TMEM167B: variants seen among roughly 807,000 people sequenced by gnomAD.
TMEM167B encodes the protein protein kish-B.
Under a neutral mutation model 9.4 loss-of-function variants are expected in TMEM167B, and 2 were observed. The observed-to-expected ratio is 0.21, with a 90% CI of 0.09 to 0.67. The LOEUF is 0.67. Ranked by LOEUF, TMEM167B falls within the 30% of genes least tolerant of loss-of-function variation. The pLI, the probability that TMEM167B is intolerant of heterozygous loss-of-function variation, is 0.82. For synonymous variants in TMEM167B, 28 were observed against 32.0 expected (o/e 0.87, Z 0.42); for missense variants, 68 against 87.6 (o/e 0.78, Z 0.89).
rs893250833 is a variant in TMEM167B at position 109,094,859 on chromosome 1, A to T, written c.*360A>T. On this transcript the variant is annotated 3_prime_UTR_variant, in exon 3 of 3. Coordinates refer to ENST00000338272, the MANE Select transcript of TMEM167B (RefSeq NM_020141.4). Reference sequence around the variant, plus strand: ...TCAGGATCTTTTCAAACTGAGGCTCATTAGGGAAGGAACTAGGCTGTGTTC... The same window carrying T: ...TCAGGATCTTTTCAAACTGAGGCTCTTTAGGGAAGGAACTAGGCTGTGTTC... 5.2e-5 allele frequency: 10 copies of T among 192,652 alleles called. No homozygotes were observed. Among genetic ancestry groups the T allele is most frequent in the African/African-American group, 2.4e-4 (10 of 42,472 alleles). 11.9% of individuals were successfully genotyped at this position (192,652 alleles called of 1,614,324 possible). A position where few individuals can be genotyped will look rare whatever the true frequency, so the allele number is the denominator to read the frequency against.
At chr1:109,093,521 A>G (rs1208218528) in intron 2 of TMEM167B, 1 of 152,856 alleles carries the variant, frequency 6.5e-6, no homozygotes, top group Non-Finnish European at 1.5e-5. Context: ...TAAAAACATA[A>G]TTGTCTATTT....
rs1664545374 is a variant in TMEM167B, at chr1:109,095,459, T to C, written c.*960T>C. ...TGATTCATATACTAGTAAATTCATC[T>C]AGTATAAGAACTTGTGATGTTAGAT... is the stretch of plus-strand genomic sequence containing the variant. On this transcript the variant is annotated 3_prime_UTR_variant, in exon 3 of 3. Coordinates refer to ENST00000338272, the MANE Select transcript of TMEM167B (RefSeq NM_020141.4). The C allele has an allele frequency of 6.6e-6, 1 of 152,232 alleles. No homozygotes were observed. Among genetic ancestry groups the C allele is most frequent in the Non-Finnish European group, 1.5e-5 (1 of 68,038 alleles). The allele number at this position is 152,232 out of a possible 1,614,324, so 9.4% of individuals were successfully genotyped here.
In TMEM167B at chr1:109,095,938, T is replaced by C. The variant is rs1664559980; in HGVS notation, c.*1439T>C. 1 of 152,212 alleles carries C rather than the reference T, an allele frequency of 6.6e-6. No homozygotes were observed. The highest frequency in any genetic ancestry group is 1.5e-5 in the Non-Finnish European group (1 of 68,036). The allele number at this position is 152,212 out of a possible 1,614,324, so 9.4% of individuals were successfully genotyped here. A position where few individuals can be genotyped will look rare whatever the true frequency, so the allele number is the denominator to read the frequency against. ...AAAAAGAGTAGGTCTAAAATTAAAT[T>C]ATTATAAGCAAGCATAGACATGGGT... On this transcript the variant is annotated 3_prime_UTR_variant, in exon 3 of 3. Coordinates refer to ENST00000338272, the MANE Select transcript of TMEM167B (RefSeq NM_020141.4).
intron 2 of TMEM167B, 74 bp downstream of exon 2, chr1:109,093,095 G>C: frequency 6.4e-7 from 1 of 1,570,086 alleles, no homozygotes; most frequent in Admixed American, 1.9e-5. Flanking sequence ...AGGGAGTACA[G>C]TGAGCTGGGA....
At chr1:109,093,251 G>T (rs774919726) in intron 2 of TMEM167B, 21 of 503,250 alleles carry the variant, frequency 4.2e-5, no homozygotes, top group Admixed American at 7.3e-5. Flanking sequence ...CAGCACTTTG[G>T]GGGGCCAAGG....
rs914545346 is a variant in TMEM167B at position 109,095,379 on chromosome 1, G to T, written c.*880G>T. 2.6e-5 allele frequency: 4 copies of T among 152,062 alleles called. No individual in the cohort carries two copies. Among genetic ancestry groups the T allele is most frequent in the African/African-American group, 9.7e-5 (4 of 41,414 alleles). 9.4% of individuals were successfully genotyped at this position (152,062 alleles called of 1,614,324 possible). A position where few individuals can be genotyped will look rare whatever the true frequency, so the allele number is the denominator to read the frequency against. On this transcript the variant is annotated 3_prime_UTR_variant, in exon 3 of 3. Transcript: ENST00000338272. Reference sequence around the variant, plus strand: ...ACTAGGGGAAAAAGAAACTATTGAAGAAATAATTGTTTAGTATATTTGCAG... The same window carrying T: ...ACTAGGGGAAAAAGAAACTATTGAATAAATAATTGTTTAGTATATTTGCAG...
intron 2 of TMEM167B, chr1:109,093,756 A>G (rs1169264173): frequency 6.6e-6 from 1 of 152,254 alleles, no homozygotes; most frequent in East Asian, 1.9e-4. Context: ...TTGGAATCCT[A>G]TCTACCTAAA....
In TMEM167B at chr1:109,090,857, T is replaced by C; in HGVS notation, c.-16T>C. 6.3e-7 allele frequency: 1 copy of C among 1,588,106 alleles called. No homozygotes were observed. Among genetic ancestry groups the C allele is most frequent in the South Asian group, 1.1e-5 (1 of 87,166 alleles). ...ACTGAACCCGGACCCCCTACCCAGGTCCAGGGCCAGCCGCCATGACGAACG... is the reference window on the plus strand; with the variant it reads ...ACTGAACCCGGACCCCCTACCCAGGCCCAGGGCCAGCCGCCATGACGAACG... On this transcript the variant is annotated 5_prime_UTR_variant, in exon 1 of 3. Transcript: ENST00000338272.
At position 109,095,286 on chromosome 1, in the gene TMEM167B, G is replaced by C. The variant is rs1014700369; in HGVS notation, c.*787G>C. On this transcript the variant is annotated 3_prime_UTR_variant, in exon 3 of 3. Transcript: ENST00000338272. Reference sequence around the variant, plus strand: ...AAAATGAATCAACTATTGCTATTTCGTAAAACCTTTTTATATTTTCTAAAT... The same window carrying C: ...AAAATGAATCAACTATTGCTATTTCCTAAAACCTTTTTATATTTTCTAAAT... 6.6e-6 allele frequency: 1 copy of C among 152,104 alleles called. No individual in the cohort carries two copies. Among genetic ancestry groups the C allele is most frequent in the Admixed American group, 6.6e-5 (1 of 15,260 alleles). The allele number at this position is 152,104 out of a possible 1,614,324, so 9.4% of individuals were successfully genotyped here. A position where few individuals can be genotyped will look rare whatever the true frequency, so the allele number is the denominator to read the frequency against.
Position 109,096,606 on chromosome 1 carries a change from A to G in TMEM167B, c.*2107A>G, listed in dbSNP as rs1040107977. On this transcript the variant is annotated 3_prime_UTR_variant, in exon 3 of 3. Transcript: ENST00000338272. ...GAATGTACCAAAAAGTGCACAAGGT[A>G]AAGGTAATTTACAGCCAGAAACAAA... is the stretch of plus-strand genomic sequence containing the variant. 1 of 152,246 alleles carries G rather than the reference A, an allele frequency of 6.6e-6. No homozygotes were observed. Among genetic ancestry groups the G allele is most frequent in the Non-Finnish European group, 1.5e-5 (1 of 68,046 alleles). 9.4% of individuals were successfully genotyped at this position (152,246 alleles called of 1,614,324 possible). A position where few individuals can be genotyped will look rare whatever the true frequency, so the allele number is the denominator to read the frequency against.
intron 2 of TMEM167B, 157 bp downstream of exon 2, chr1:109,093,178 C>T (rs1279719064): frequency 9.1e-7 from 1 of 1,102,022 alleles, no homozygotes; most frequent in South Asian, 1.6e-5. Flanking sequence ...AATCATTCTC[C>T]AAAGTTGAGG....
rs770301238 is a variant in TMEM167B at position 109,094,484 on chromosome 1, C to T, written c.210C>T (p.Val70=). 7.4e-6 allele frequency: 12 copies of T among 1,613,774 alleles called. No individual in the cohort carries two copies. Among genetic ancestry groups the T allele is most frequent in the Non-Finnish European group, 8.5e-7 (1 of 1,180,020 alleles). ...CTTGTGTTGTAATGGCCTTTTACGT[C>T]CTGTTTATAAAATGAATTCCAAAGC... ...AIACVVMAFY[V]LFIK is the part of the protein sequence containing the mutation. The change falls in exon 3 of 3, where the codon GTC becomes GTT. Residue 70 remains valine, a synonymous_variant. Transcript: ENST00000338272.
chr1:109,091,627 G>A (rs1557993068), intron 1 of TMEM167B: 1 of 152,286 alleles, frequency 6.6e-6, no homozygotes, highest in East Asian at 1.9e-4. Flanking sequence ...GAGGGGCTCC[G>A]GAAAGCATTT....
At chr1:109,090,978 C>T (rs1040773010) in intron 1 of TMEM167B, 96 bp downstream of exon 1, 1 of 1,436,860 alleles carries the variant, frequency 7.0e-7, no homozygotes, top group South Asian at 1.3e-5. Context: ...CTCCCCGCCC[C>T]CTCCCAGCCC....
intron 1 of TMEM167B, among the ~76,000 whole-genome samples, chr1:109,092,200 T>C (rs1295867114): frequency 6.6e-6 from 1 of 152,148 alleles, no homozygotes; most frequent in African/African-American, 2.4e-5. Flanking sequence ...TTTAGAAAAA[T>C]CTGTTATTAT....
chr1:109,093,251 G>A (rs774919726), intron 2 of TMEM167B: 2 of 503,132 alleles, frequency 4.0e-6, no homozygotes. Flanking sequence ...CAGCACTTTG[G>A]GGGGCCAAGG....
In TMEM167B at chr1:109,094,751, C is replaced by T. The variant is rs907789966; in HGVS notation, c.*252C>T. 7 of 460,840 alleles carry T rather than the reference C, an allele frequency of 1.5e-5. No homozygotes were observed. Among genetic ancestry groups the T allele is most frequent in the African/African-American group, 1.0e-4 (5 of 49,592 alleles). 28.5% of individuals were successfully genotyped at this position (460,840 alleles called of 1,614,324 possible). On this transcript the variant is annotated 3_prime_UTR_variant, in exon 3 of 3. Transcript: ENST00000338272. Reference sequence around the variant, plus strand: ...TCCTTGGCAGAGTGCATATAATGTCCGGATAAATTACACCCCTCGGTGATA... The same window carrying T: ...TCCTTGGCAGAGTGCATATAATGTCTGGATAAATTACACCCCTCGGTGATA...
At position 109,094,626 on chromosome 1, in the gene TMEM167B, C is replaced by T. The variant is rs1033098759; in HGVS notation, c.*127C>T. The T allele has an allele frequency of 2.4e-6, 2 of 820,050 alleles. No homozygotes were observed. The highest frequency in any genetic ancestry group is 4.0e-6 in the Non-Finnish European group (2 of 495,400). The allele number at this position is 820,050 out of a possible 1,614,324, so 50.8% of individuals were successfully genotyped here. A position where few individuals can be genotyped will look rare whatever the true frequency, so the allele number is the denominator to read the frequency against. On this transcript the variant is annotated 3_prime_UTR_variant, in exon 3 of 3. Coordinates refer to ENST00000338272, the MANE Select transcript of TMEM167B (RefSeq NM_020141.4). ...GGTCCCCAGGATGACACCACAGCATCTGCCCCTGCTATATGTGGGGAAAAC... is the reference window on the plus strand; with the variant it reads ...GGTCCCCAGGATGACACCACAGCATTTGCCCCTGCTATATGTGGGGAAAAC...
rs1164044633 is a variant in TMEM167B, at chr1:109,096,026, C to G, written c.*1527C>G. On this transcript the variant is annotated 3_prime_UTR_variant, in exon 3 of 3. Coordinates refer to ENST00000338272, the MANE Select transcript of TMEM167B (RefSeq NM_020141.4). ...GTGGACAAGTTAGCTGTGGTTGATT[C>G]CTGTGTGGCAGTAAATTGTCTTCTG... The G allele has an allele frequency of 2.0e-5, 3 of 152,172 alleles. No individual in the cohort carries two copies. Among genetic ancestry groups the G allele is most frequent in the Non-Finnish European group, 4.4e-5 (3 of 68,042 alleles). The allele number at this position is 152,172 out of a possible 1,614,324, so 9.4% of individuals were successfully genotyped here. A position where few individuals can be genotyped will look rare whatever the true frequency, so the allele number is the denominator to read the frequency against.
Sources: allele counts gnomAD v4.1 joint callset (sites outside exome capture counted in the v4.1 genomes callset), GRCh38; gene constraint gnomAD v4.1.1; transcripts MANE v1.5; gene names NCBI Gene and HGNC (gene_info 2026-07-23, HGNC 2026-07-21).